The following TBC1D2B variants were observed in gnomAD, a reference collection of about 807,000 sequenced individuals.
The protein encoded by TBC1D2B is TBC1 domain family, member 2B.
Under a neutral mutation model 100.8 loss-of-function variants are expected in TBC1D2B, and 64 were observed. The ratio of observed to expected loss-of-function variants is 0.64; its 90% CI spans 0.52 to 0.78. TBC1D2B has a LOEUF of 0.78. Ranked by LOEUF, TBC1D2B falls within the 30% of genes least tolerant of loss-of-function variation. TBC1D2B has a pLI of 0.00. For missense variants in TBC1D2B, 1,052 were observed against 1,218.4 expected, an observed-to-expected ratio of 0.86 and a Z score of 2.03; for synonymous variants, 480 against 479.7, an observed-to-expected ratio of 1.00 and a Z score of -0.01.
chr15:78,031,457 G>A (rs2072805492), intron 3 of TBC1D2B, among the ~76,000 whole-genome samples: 1 of 146,416 alleles, frequency 6.8e-6, no homozygotes, highest in South Asian at 2.1e-4. Flanking sequence ...GGGAGGCTGA[G>A]GCACAAGAAT....
Position 78,024,490 on chromosome 15 carries a change from T to C in TBC1D2B, c.1136A>G (p.Lys379Arg), listed in dbSNP as rs778096961. 1.1e-5 allele frequency: 18 copies of C among 1,614,014 alleles called. No homozygotes were observed. The highest frequency in any genetic ancestry group is 1.3e-5 in the African/African-American group (1 of 75,044). ...ACAGAGCCGGCTGCTTGTGAAATAC[T>C]TGTCATACTGGGATGACCGGACTGT... is the stretch of plus-strand genomic sequence containing the variant. ...QQTVRSSQYD[K>R]YFTSSRLCEG... The change falls in exon 6 of 13, where the codon AAG becomes AGG. Residue 379 changes from lysine (K) to arginine (R), a missense_variant. This residue lies in a region of TBC1D2B where 627 missense variants were observed against 646.1 expected (regional missense o/e 0.97). Transcript: ENST00000300584.
At position 78,009,576 on chromosome 15, in the gene TBC1D2B, A is replaced by C. The variant is rs527408520; in HGVS notation, c.2271-462T>G. Among the ~76,000 whole-genome samples the C allele has an allele frequency of 8.3e-4, 127 of 152,228 alleles. 1 individual carries two copies. The highest frequency in any genetic ancestry group is 2.6e-3 in the African/African-American group (110 of 41,546). On this transcript the variant is annotated intron_variant, in intron 9 of 12. Coordinates refer to ENST00000300584, the MANE Select transcript of TBC1D2B (RefSeq NM_144572.2). ...AAAAGGAGGGGGTGCATTTCCTAAA[A>C]TTTGAGAAGCAAAGCTACTTTTCCC...
chr15:78,043,607 T>A (rs1353847435), intron 3 of TBC1D2B, among the ~76,000 whole-genome samples: 2 of 152,312 alleles, frequency 1.3e-5, no homozygotes, highest in Middle Eastern at 3.4e-3. Flanking sequence ...GGGAATATTA[T>A]TTGGCCATAA....
At chr15:78,066,243 A>C (rs2073655003) in intron 1 of TBC1D2B, 2 of 337,256 alleles carry the variant, frequency 5.9e-6, no homozygotes, top group Admixed American at 7.3e-5. Flanking sequence ...ATAGAAACTC[A>C]GAATGCAAAG....
chr15:77,995,508 GGCACA>G lies in TBC1D2B; in HGVS notation c.*2647_*2651del, dbSNP rs1246207220. ...GAAAAGCAACTCGGAGGCTGAGGCT[GGCACA>G]GATACACACAAGGGAGTCACACACA... On this transcript the variant is annotated 3_prime_UTR_variant, in exon 13 of 13. Coordinates refer to ENST00000300584, the MANE Select transcript of TBC1D2B (RefSeq NM_144572.2). The G allele has an allele frequency of 2.2e-4, 33 of 152,280 alleles. No individual in the cohort carries two copies. The highest frequency in any genetic ancestry group is 8.0e-4 in the African/African-American group (33 of 41,484). 9.4% of individuals were successfully genotyped at this position (152,280 alleles called of 1,614,324 possible).
In TBC1D2B at chr15:78,024,537, C is replaced by T. The variant is rs780652369; in HGVS notation, c.1089G>A (p.Glu363=). Reference sequence around the variant, plus strand: ...CTGTCTGCTGGAGCAGTCGAACAAGCTCCTGGGAGCCAAAAGGAGAATGGA... The same window carrying T: ...CTGTCTGCTGGAGCAGTCGAACAAGTTCCTGGGAGCCAAAAGGAGAATGGA... ...QLKKDLSSQK[E]LVRLLQQTVR... is the part of the protein sequence containing the mutation. Residue 363 remains glutamate, a splice_region_variant and synonymous_variant, in exon 6 of 13, where the codon GAG becomes GAA. Coordinates refer to ENST00000300584, the MANE Select transcript of TBC1D2B (RefSeq NM_144572.2). The T allele has an allele frequency of 8.7e-6, 14 of 1,605,562 alleles. No individual in the cohort carries two copies. The South Asian group carries it at 1.4e-4, about 16-fold the overall frequency.
chr15:78,009,082 T>C lies in TBC1D2B; in HGVS notation c.2303A>G (p.Gln768Arg). The C allele has an allele frequency of 6.2e-7, 1 of 1,607,308 alleles. No individual in the cohort carries two copies. The highest frequency in any genetic ancestry group is 8.5e-7 in the Non-Finnish European group (1 of 1,176,740). Residue 768 changes from glutamine (Q) to arginine (R), a missense_variant, in exon 10 of 13, where the codon CAA becomes CGA. Around this residue, in one of 4 missense-constraint regions of TBC1D2B, gnomAD observed 373 missense variants for 464.9 expected, o/e 0.80. Transcript: ENST00000300584. ...LVAVALLYLE[Q>R]EDAFWCLVTI... ...AACGAGACACCAGAAAGCATCTTCT[T>C]GTTCCAGGTACAGGAGGGCCACTGC...
At chr15:78,056,986 A>T (rs1219966006) in intron 1 of TBC1D2B, among the ~76,000 whole-genome samples, 1 of 152,124 alleles carries the variant, frequency 6.6e-6, no homozygotes, top group Non-Finnish European at 1.5e-5. Flanking sequence ...CTGCATATGC[A>T]GCTGTGTTTC....
At chr15:78,002,725 A>G (rs1432845957) in intron 11 of TBC1D2B, 4 of 152,956 alleles carry the variant, frequency 2.6e-5, no homozygotes, top group Non-Finnish European at 5.8e-5. Flanking sequence ...CAATTGGCAC[A>G]TGCCACTGTG....
chr15:78,038,865 G>A (rs1596320417), intron 3 of TBC1D2B, among the ~76,000 whole-genome samples: 2 of 152,172 alleles, frequency 1.3e-5, no homozygotes, highest in South Asian at 2.1e-4. Flanking sequence ...GTCATACACC[G>A]ATGGCCCTTC....
At chr15:78,063,906 T>G (rs1190354798) in intron 1 of TBC1D2B, among the ~76,000 whole-genome samples, 1 of 152,104 alleles carries the variant, frequency 6.6e-6, no homozygotes, top group African/African-American at 2.4e-5. Context: ...GTCTCCAGAT[T>G]CATCTACCCC....
At chr15:78,047,152 C>A (rs1310615422) in intron 2 of TBC1D2B, among the ~76,000 whole-genome samples, 3 of 150,160 alleles carry the variant, frequency 2.0e-5, no homozygotes, top group Non-Finnish European at 3.0e-5. Context: ...GACTTGGTAA[C>A]AGAGTATACA....
chr15:78,005,130 A>C (rs186074003), intron 10 of TBC1D2B, among the ~76,000 whole-genome samples: 1 of 152,200 alleles, frequency 6.6e-6, no homozygotes, highest in African/African-American at 2.4e-5. Flanking sequence ...TCTTCTCCCA[A>C]CTAGGAGGCA....
chr15:78,062,183 T>A (rs1041736939), intron 1 of TBC1D2B, among the ~76,000 whole-genome samples: 1 of 152,160 alleles, frequency 6.6e-6, no homozygotes, highest in Non-Finnish European at 1.5e-5. Flanking sequence ...CTGATTAGTC[T>A]CCCCAGCAGC....
intron 6 of TBC1D2B, among the ~76,000 whole-genome samples, chr15:78,023,146 C>A (rs1394058472): frequency 1.3e-5 from 2 of 152,320 alleles, no homozygotes; most frequent in South Asian, 4.1e-4. Context: ...TCAGTAACAA[C>A]CTGGACAGCA....
intron 4 of TBC1D2B, chr15:78,025,758 C>T (rs776862467): frequency 1.2e-4 from 24 of 199,544 alleles, no homozygotes; most frequent in Non-Finnish European, 2.3e-4. Context: ...GATCTCCTGA[C>T]GTTGTGATCC....
intron 9 of TBC1D2B, 33 bp from the exon 10 acceptor site, chr15:78,009,147 A>G: frequency 6.8e-7 from 1 of 1,462,408 alleles, no homozygotes; most frequent in South Asian, 1.2e-5. Context: ...ATGAGAGCCC[A>G]GGCACAGACA....
At chr15:78,056,459 T>A (rs2073423603) in intron 1 of TBC1D2B, among the ~76,000 whole-genome samples, 1 of 152,170 alleles carries the variant, frequency 6.6e-6, no homozygotes, top group African/African-American at 2.4e-5. Flanking sequence ...GGAGATTAGT[T>A]CAGGCCAGAG....
At chr15:78,010,978 C>A (rs1193889801) in intron 9 of TBC1D2B, among the ~76,000 whole-genome samples, 1 of 152,184 alleles carries the variant, frequency 6.6e-6, no homozygotes. Flanking sequence ...CCCAAACAGG[C>A]ATACTCAAGT....
Sources: allele counts gnomAD v4.1 joint callset (sites outside exome capture counted in the v4.1 genomes callset), GRCh38; gene constraint gnomAD v4.1.1; regional missense constraint gnomAD v4.1.1; transcripts MANE v1.5; gene names NCBI Gene and HGNC (gene_info 2026-07-23, HGNC 2026-07-21).